The following BEND6 variants were observed in gnomAD, a reference collection of about 807,000 sequenced individuals.
The protein encoded by BEND6 is BEN domain-containing protein 6.
A neutral mutation model predicts 31.8 loss-of-function variants in BEND6; 24 were observed. The observed-to-expected ratio is 0.75, with a 90% confidence interval of 0.55 to 1.06. BEND6 has a LOEUF of 1.06. BEND6 is among the 50% of genes least tolerant of loss of function. BEND6 has a pLI of 0.00. For synonymous variants in BEND6, 109 were observed against 114.6 expected, an observed-to-expected ratio of 0.95 and a Z score of 0.31; for missense variants, 294 against 327.4, an observed-to-expected ratio of 0.90 and a Z score of 0.79.
chr6:57,021,766 A>G (rs1311398221), intron 6 of BEND6, among the ~76,000 whole-genome samples: 1 of 152,200 alleles, frequency 6.6e-6, no homozygotes, highest in Non-Finnish European at 1.5e-5. Context: ...CAGGGTATAT[A>G]ATCTCTGGCG....
chr6:57,007,384 G>T (rs969527544), intron 3 of BEND6, among the ~76,000 whole-genome samples: 6 of 151,224 alleles, frequency 4.0e-5, no homozygotes, highest in Admixed American at 2.6e-4. Flanking sequence ...AAATCAATTT[G>T]AAATGAATCA....
In BEND6 at chr6:57,026,265, G is replaced by C. The variant is rs927895433; in HGVS notation, c.*193G>C. 6.6e-6 allele frequency: 1 copy of C among 152,206 alleles called. No individual in the cohort carries two copies. The highest frequency in any genetic ancestry group is 2.4e-5 in the African/African-American group (1 of 41,442). 9.4% of individuals were successfully genotyped at this position (152,206 alleles called of 1,614,324 possible). ...AAGCTTGCTGAAGAAGCTGCATGTA[G>C]ATTCCACCCTCAGTACTAGTGATGC... On this transcript the variant is annotated 3_prime_UTR_variant, in exon 7 of 7. Coordinates refer to ENST00000370746, the MANE Select transcript of BEND6 (RefSeq NM_152731.3).
intron 4 of BEND6, 68 bp downstream of exon 4, chr6:57,015,421 A>G: frequency 7.5e-7 from 1 of 1,330,266 alleles, no homozygotes; most frequent in Non-Finnish European, 1.0e-6. Flanking sequence ...ATAAGGGTGG[A>G]AAATGATCAT....
At chr6:57,006,665 A>G (rs796809007) in intron 3 of BEND6, among the ~76,000 whole-genome samples, 5 of 152,380 alleles carry the variant, frequency 3.3e-5, no homozygotes, top group African/African-American at 1.2e-4. Flanking sequence ...TAGTTTACCC[A>G]AAGCAATGTA....
At chr6:57,015,515 A>G (rs1243586653) in intron 4 of BEND6, among the ~76,000 whole-genome samples, 162 bp downstream of exon 4, 2 of 152,076 alleles carry the variant, frequency 1.3e-5, no homozygotes, top group Non-Finnish European at 2.9e-5. Context: ...AAGAGGCATA[A>G]GGTGGCCAGG....
At chr6:56,986,598 G>C (rs1334046154) in intron 2 of BEND6, among the ~76,000 whole-genome samples, 1 of 152,092 alleles carries the variant, frequency 6.6e-6, no homozygotes, top group East Asian at 1.9e-4. Flanking sequence ...GCTTAAACTT[G>C]TTTATTCATT....
intron 2 of BEND6, 24 bp from the exon 3 acceptor site, chr6:56,992,354 T>C (rs1826536194): frequency 6.4e-7 from 1 of 1,573,858 alleles, no homozygotes; most frequent in Non-Finnish European, 8.6e-7. Flanking sequence ...AGGCTTCTTT[T>C]ATTGTGCCTG....
At chr6:56,977,469 A>AAT (rs901833159) in intron 1 of BEND6, among the ~76,000 whole-genome samples, 2 of 152,214 alleles carry the variant, frequency 1.3e-5, no homozygotes, top group Admixed American at 6.5e-5. Context: ...ATGTGTTACA[A>AAT]ATATATATAG....
intron 2 of BEND6, among the ~76,000 whole-genome samples, chr6:56,983,395 TA>T (rs1826137998): frequency 6.6e-6 from 1 of 152,230 alleles, no homozygotes; most frequent in African/African-American, 2.4e-5. Flanking sequence ...GTTAGATCTC[TA>T]AACCTCTTTG....
intron 1 of BEND6, among the ~76,000 whole-genome samples, chr6:56,969,152 C>T (rs1397910892): frequency 6.6e-6 from 1 of 151,892 alleles, no homozygotes; most frequent in Non-Finnish European, 1.5e-5. Context: ...CTTAGTAAAA[C>T]CCAGTAGTTT....
chr6:56,983,811 G>C (rs998953023), intron 2 of BEND6, among the ~76,000 whole-genome samples: 1 of 152,098 alleles, frequency 6.6e-6, no homozygotes, highest in African/African-American at 2.4e-5. Context: ...TCTAGCTGCT[G>C]CATAGCACCG....
At chr6:56,965,896 G>A (rs1037188204) in intron 1 of BEND6, among the ~76,000 whole-genome samples, 36 of 151,946 alleles carry the variant, frequency 2.4e-4, no homozygotes, top group African/African-American at 8.2e-4. Context: ...AGTTATTAAT[G>A]TTGTAGAATA....
intron 1 of BEND6, among the ~76,000 whole-genome samples, chr6:56,974,513 C>T (rs996145523): frequency 3.9e-5 from 6 of 152,152 alleles, no homozygotes; most frequent in Admixed American, 2.6e-4. Flanking sequence ...TGGAACATCA[C>T]CACACTTAAT....
chr6:56,956,273 CATAAAAATTT>C (rs1824947390), intron 1 of BEND6, among the ~76,000 whole-genome samples: 1 of 152,146 alleles, frequency 6.6e-6, no homozygotes, highest in African/African-American at 2.4e-5. Context: ...GAAATTGTGT[CATAAAAATTT>C]ATAAAAATTT....
At chr6:56,974,323 T>A (rs1354982930) in intron 1 of BEND6, among the ~76,000 whole-genome samples, 1 of 152,242 alleles carries the variant, frequency 6.6e-6, no homozygotes, top group African/African-American at 2.4e-5. Context: ...GATAAATATA[T>A]GGATCTTTAG....
chr6:57,014,606 G>A, intron 3 of BEND6: 1 of 1,046,930 alleles, frequency 9.6e-7, no homozygotes, highest in Non-Finnish European at 1.3e-6. Context: ...CACAACACAG[G>A]TTTGAATTGT....
rs765988340 is a variant in BEND6 at position 57,015,319 on chromosome 6, A to G, written c.485A>G (p.Lys162Arg). Residue 162 changes from lysine (K) to arginine (R), a missense_variant, in exon 4 of 7, where the codon AAG becomes AGG. Physicochemically the swap from Lys to Arg is conservative, Grantham distance 26 (BLOSUM62 2). Coordinates refer to ENST00000370746, the MANE Select transcript of BEND6 (RefSeq NM_152731.3). Reference sequence around the variant, plus strand: ...AACTCCAGTTCACCAGTTTCCTTAAAGCCTGAGGAAGAGCATCAGACTGAT... The same window carrying G: ...AACTCCAGTTCACCAGTTTCCTTAAGGCCTGAGGAAGAGCATCAGACTGAT... ...NSNSSSPVSLKPEEEHQTDEK... is the reference protein window; with the variant it reads ...NSNSSSPVSLRPEEEHQTDEK... 2 of 1,613,974 alleles carry G rather than the reference A, an allele frequency of 1.2e-6. No individual in the cohort carries two copies. Among genetic ancestry groups the G allele is most frequent in the Non-Finnish European group, 1.7e-6 (2 of 1,179,962 alleles).
At chr6:57,003,322 A>C (rs887555297) in intron 3 of BEND6, among the ~76,000 whole-genome samples, 1 of 152,134 alleles carries the variant, frequency 6.6e-6, no homozygotes, top group Non-Finnish European at 1.5e-5. Flanking sequence ...CAACAACACA[A>C]GACCTTATCT....
intron 1 of BEND6, among the ~76,000 whole-genome samples, chr6:56,961,387 A>G (rs1341916223): frequency 3.3e-5 from 5 of 152,188 alleles, no homozygotes; most frequent in African/African-American, 1.2e-4. Flanking sequence ...TTTGTCCTCT[A>G]GCATCTTTAA....
Sources: gnomAD v4.1 joint callset for allele counts (sites outside exome capture counted in the v4.1 genomes callset) on GRCh38, gnomAD v4.1.1 for gene constraint, MANE v1.5 for transcripts, NCBI Gene and HGNC (gene_info 2026-07-23, HGNC 2026-07-21) for gene names.